Variants in NELFB observed in about 807,000 individuals in gnomAD.
NELFB encodes negative elongation factor B.
Under a neutral mutation model 60.2 loss-of-function variants are expected in NELFB, and 34 were observed. The ratio of observed to expected loss-of-function variants is 0.56; its 90% CI spans 0.43 to 0.75. NELFB has a LOEUF of 0.75. Among genes scored for constraint, NELFB ranks in the 30% least tolerant of loss-of-function variants. NELFB has a pLI of 0.00. For synonymous variants in NELFB, 459 were observed against 382.1 expected (o/e 1.20, Z -2.35); for missense variants, 770 against 831.6 (o/e 0.93, Z 0.91).
In NELFB at chr9:137,272,567, C is replaced by T. The variant is rs1326686930; in HGVS notation, c.1692C>T (p.Ala564=). ...TCATTCACCTGCACCCCAGGGTGGC[C>T]CCGTCTAAGCTGGAGGCGTTGCAGA... The change falls in exon 12 of 13, where the codon GCC becomes GCT. Residue 564 remains alanine, a synonymous_variant. Coordinates refer to ENST00000343053, the MANE Select transcript of NELFB (RefSeq NM_015456.5). 6.2e-7 allele frequency: 1 copy of T among 1,611,636 alleles called. No individual in the cohort carries two copies.
chr9:137,264,387 C>A, intron 6 of NELFB, 30 bp downstream of exon 6: 1 of 1,501,900 alleles, frequency 6.7e-7, no homozygotes, highest in Non-Finnish European at 9.1e-7. Context: ...GGCCTCTGCC[C>A]CTCAGGGCCC....
intron 3 of NELFB, 41 bp from the exon 4 acceptor site, chr9:137,256,783 G>A (rs1353062476): frequency 2.5e-6 from 4 of 1,594,152 alleles, no homozygotes; most frequent in Middle Eastern, 1.7e-4. Flanking sequence ...GAGACCCAGG[G>A]ACACAGGTGC....
rs1252599008 is a variant in NELFB at position 137,255,589 on chromosome 9, T to C, written c.224T>C (p.Leu75Pro). Reference sequence around the variant, plus strand: ...ACCCTGACCAACTGCACGGAGCCGCTCAAGGCCATCGAGCAGTTCCAGGTG... The same window carrying C: ...ACCCTGACCAACTGCACGGAGCCGCCCAAGGCCATCGAGCAGTTCCAGGTG... Residue 75 changes from leucine (L) to proline (P), a missense_variant, in exon 1 of 13, where the codon CTC becomes CCC. Coordinates refer to ENST00000343053, the MANE Select transcript of NELFB (RefSeq NM_015456.5). 1 of 1,549,284 alleles carries C rather than the reference T, an allele frequency of 6.5e-7. No homozygotes were observed. The highest frequency in any genetic ancestry group is 1.2e-5 in the South Asian group (1 of 84,142).
rs768947147 is a variant in NELFB, at chr9:137,257,006, C to T, written c.693C>T (p.Val231=). 3.7e-6 allele frequency: 6 copies of T among 1,613,798 alleles called. No individual in the cohort carries two copies. In the South Asian group the frequency reaches 4.4e-5, roughly 12 times the overall value. The stretch of plus-strand genomic sequence containing the variant: ...CTCTCTTCAGTACAGAGCTCTCTGT[C>T]CTGCACAACTTTTTCAGTCCTTCCC... Residue 231 remains valine (V), a synonymous_variant, in exon 4 of 13, where the codon GTC becomes GTT. Coordinates refer to ENST00000343053, the MANE Select transcript of NELFB (RefSeq NM_015456.5).
At position 137,264,218 on chromosome 9, in the gene NELFB, GGTCCCGACC is replaced by G; in HGVS notation, c.928-24_928-16del. ...CTGGTCATCCTGGGAGGTTTGGGCT[GGTCCCGACC>G]GTGCTTCCTCCTTGCAGTTCACCTG... On this transcript the variant is annotated intron_variant, in intron 5 of 12. Coordinates refer to ENST00000343053, the MANE Select transcript of NELFB (RefSeq NM_015456.5). 1 of 1,539,240 alleles carries G rather than the reference GGTCCCGACC, an allele frequency of 6.5e-7. No individual in the cohort carries two copies. The highest frequency in any genetic ancestry group is 8.8e-7 in the Non-Finnish European group (1 of 1,135,860).
chr9:137,267,256 C>T lies in NELFB; in HGVS notation c.1399C>T (p.Arg467Cys), dbSNP rs554518196. 4.9e-5 allele frequency: 79 copies of T among 1,612,628 alleles called. No homozygotes were observed. The highest frequency in any genetic ancestry group is 3.6e-4 in the East Asian group (16 of 44,868). Residue 467 changes from arginine (R) to cysteine (C), a missense_variant, in exon 10 of 13, where the codon CGC (arginine) becomes TGC (cysteine). Arg to Cys is a radical substitution (Grantham distance 180). Transcript: ENST00000343053. Reference sequence around the variant, plus strand: ...CGGGCGCAGGTTTCTGCAGGAGCAGCGCATGGCCTGCGAGGTGGGGCTGTA... The same window carrying T: ...CGGGCGCAGGTTTCTGCAGGAGCAGTGCATGGCCTGCGAGGTGGGGCTGTA...
rs752413413 is a variant in NELFB at position 137,272,820 on chromosome 9, C to A, written c.1779C>A (p.Gly593=). 1 of 1,549,992 alleles carries A rather than the reference C, an allele frequency of 6.5e-7. No homozygotes were observed. ...TGAAGGAGCTTTACTCCCAGCTCGG[C>A]GAGAAGCTGGAACAGCTGGATCACC... Residue 593 remains glycine (G), a synonymous_variant, in exon 13 of 13, where the codon GGC becomes GGA. Coordinates refer to ENST00000343053, the MANE Select transcript of NELFB (RefSeq NM_015456.5).
rs1268343321 is a variant in NELFB, at chr9:137,256,866, C to T, written c.553C>T (p.Leu185=). The change falls in exon 4 of 13, where the codon CTG becomes TTG. Residue 185 remains leucine, a synonymous_variant. Transcript: ENST00000343053. ...GAAGCTGGTTATGGCTGACAAGGAG[C>T]TGTATCGAGCCTGCGCCGTGGAGGT... 6.2e-7 allele frequency: 1 copy of T among 1,614,196 alleles called. No homozygotes were observed. Among genetic ancestry groups the T allele is most frequent in the Non-Finnish European group, 8.5e-7 (1 of 1,180,048 alleles).
chr9:137,264,612 C>T (rs761951913), intron 6 of NELFB, among the ~76,000 whole-genome samples: 4 of 152,128 alleles, frequency 2.6e-5, no homozygotes, highest in Admixed American at 6.5e-5. Context: ...ATTACAGGCA[C>T]GCGCCACTGC....
intron 4 of NELFB, among the ~76,000 whole-genome samples, chr9:137,259,023 C>T (rs1837602885): frequency 6.6e-6 from 1 of 151,910 alleles, no homozygotes; most frequent in South Asian, 2.1e-4. Context: ...GAGACCTTGT[C>T]TCTACAAGAA....
chr9:137,272,645 G>A (rs746973596), intron 12 of NELFB, 30 bp downstream of exon 12: 3 of 1,559,314 alleles, frequency 1.9e-6, no homozygotes, highest in East Asian at 4.8e-5. Context: ...GCATCTGAAG[G>A]CACCTGGTCC....
chr9:137,262,958 C>T (rs995413170), intron 4 of NELFB, 79 bp from the exon 5 acceptor site: 55 of 1,496,700 alleles, frequency 3.7e-5, no homozygotes, highest in South Asian at 6.0e-5. Context: ...GAGAGGGCCG[C>T]GCTGTCGCCG....
intron 6 of NELFB, among the ~76,000 whole-genome samples, chr9:137,265,141 T>C (rs1830502605): frequency 1.4e-5 from 2 of 141,180 alleles, no homozygotes; most frequent in South Asian, 5.0e-4. Context: ...TGTCTCCGCC[T>C]CCCAAAGTGC....
intron 4 of NELFB, among the ~76,000 whole-genome samples, chr9:137,261,930 G>A (rs1830451758): frequency 6.6e-6 from 1 of 152,058 alleles, no homozygotes; most frequent in Non-Finnish European, 1.5e-5. Context: ...AGGTCACGTG[G>A]TTCACGTGTC....
In NELFB at chr9:137,264,127, G is replaced by GC. The variant is rs1018476036; in HGVS notation, c.928-112dup. The GC allele has an allele frequency of 2.0e-4, 142 of 720,130 alleles. 1 individual carries two copies. In the African/African-American group the frequency reaches 2.0e-3, roughly 10 times the overall value. 44.6% of individuals were successfully genotyped at this position (720,130 alleles called of 1,614,324 possible). A position where few individuals can be genotyped will look rare whatever the true frequency, so the allele number is the denominator to read the frequency against. On this transcript the variant is annotated intron_variant, in intron 5 of 12. Transcript: ENST00000343053. Reference sequence around the variant, plus strand: ...GTCAGGATGACTGGTGCCTGCTGCCGCCCCCCGCAGCAGCTATGATTGAAC... The same window carrying GC: ...GTCAGGATGACTGGTGCCTGCTGCCGCCCCCCCGCAGCAGCTATGATTGAAC...
At chr9:137,257,603 A>G (rs1837576683) in intron 4 of NELFB, among the ~76,000 whole-genome samples, 1 of 150,328 alleles carries the variant, frequency 6.7e-6, no homozygotes, top group African/African-American at 2.5e-5. Context: ...CCCAGGTTCA[A>G]GCAATTCTCC....
intron 6 of NELFB, among the ~76,000 whole-genome samples, chr9:137,265,550 G>A (rs1312390661): frequency 6.6e-6 from 1 of 151,650 alleles, no homozygotes. Context: ...CACCACGCCC[G>A]GCTAATTTTT....
Position 137,269,961 on chromosome 9 carries a change from C to T in NELFB, c.1490-2120C>T, listed in dbSNP as rs1032905517. ...AGAATGGATGTTGATTTTTAGAATT[C>T]TCTCCTGTTTATTTTTTAACATTTT... On this transcript the variant is annotated intron_variant, in intron 10 of 12. Coordinates refer to ENST00000343053, the MANE Select transcript of NELFB (RefSeq NM_015456.5). The surrounding 1 kb of genome is among the most constrained non-coding windows in gnomAD (Gnocchi z 5.3). 5.9e-5 allele frequency among the ~76,000 whole-genome samples: 9 copies of T among 152,168 alleles called. No homozygotes were observed. Among genetic ancestry groups the T allele is most frequent in the Non-Finnish European group, 1.5e-5 (1 of 68,044 alleles).
chr9:137,256,815 G>C lies in NELFB; in HGVS notation c.511-9G>C, dbSNP rs111831952. On this transcript the variant is annotated splice_polypyrimidine_tract_variant and intron_variant, in intron 3 of 12. Transcript: ENST00000343053. ...GTGCCACTCACAGGCAGCCTGTGGTGTCATGTAGGTTCCGGAGAAAAAACT... is the reference window on the plus strand; with the variant it reads ...GTGCCACTCACAGGCAGCCTGTGGTCTCATGTAGGTTCCGGAGAAAAAACT... 205 of 1,613,656 alleles carry C rather than the reference G, an allele frequency of 1.3e-4. 1 individual carries two copies. In the African/African-American group the frequency reaches 2.5e-3, roughly 19 times the overall value.
Sources: gnomAD v4.1 joint callset for allele counts (sites outside exome capture counted in the v4.1 genomes callset) on GRCh38, gnomAD v4.1.1 for gene constraint, Gnocchi (gnomAD v3.1) non-coding constraint, MANE v1.5 for transcripts, NCBI Gene and HGNC (gene_info 2026-07-23, HGNC 2026-07-21) for gene names.